The following GRK5 variants were observed in gnomAD, a reference collection of about 807,000 sequenced individuals.
The protein encoded by GRK5 is G protein-coupled receptor kinase 5, also known as g protein-coupled receptor kinase GRK5.
In GRK5, 40 loss-of-function variants were observed where a neutral mutation model predicts 78.4. The ratio of observed to expected loss-of-function variants is 0.51; its 90% confidence interval spans 0.40 to 0.66. GRK5 has a LOEUF of 0.66. GRK5 is among the 30% of genes least tolerant of loss of function. The pLI, the probability that GRK5 is intolerant of heterozygous loss-of-function variation, is 0.00. For missense variants in GRK5, 598 were observed against 759.9 expected (o/e 0.79, Z 2.50); for synonymous variants, 289 against 296.8 (o/e 0.97, Z 0.27).
intron 4 of GRK5, among the ~76,000 whole-genome samples, chr10:119,410,171 T>C (rs562310085): frequency 6.3e-4 from 96 of 152,330 alleles, no homozygotes; most frequent in African/African-American, 2.2e-3. Context: ...TCCGGGCACA[T>C]TGCATTTTGT....
chr10:119,459,343 C>G lies in GRK5; in HGVS notation c.*4276C>G, dbSNP rs184759276. Reference sequence around the variant, plus strand: ...CTGGCCTAAACGTAAAGGCTTGTGCCGGAGACAGTGATTGAAAACATTTGA... The same window carrying G: ...CTGGCCTAAACGTAAAGGCTTGTGCGGGAGACAGTGATTGAAAACATTTGA... On this transcript the variant is annotated 3_prime_UTR_variant, in exon 16 of 16. Coordinates refer to ENST00000392870, the MANE Select transcript of GRK5 (RefSeq NM_005308.3). 6.6e-6 allele frequency: 1 copy of G among 152,152 alleles called. No homozygotes were observed. The highest frequency in any genetic ancestry group is 1.5e-5 in the Non-Finnish European group (1 of 68,038). 9.4% of individuals were successfully genotyped at this position (152,152 alleles called of 1,614,324 possible). A position where few individuals can be genotyped will look rare whatever the true frequency, so the allele number is the denominator to read the frequency against.
intron 1 of GRK5, among the ~76,000 whole-genome samples, chr10:119,274,464 C>T (rs1849635283): frequency 6.6e-6 from 1 of 152,180 alleles, no homozygotes; most frequent in Non-Finnish European, 1.5e-5. Flanking sequence ...ACCTGTGCTT[C>T]CTTCAGAAGG....
intron 2 of GRK5, among the ~76,000 whole-genome samples, chr10:119,343,751 T>C (rs567281632): frequency 1.6e-4 from 24 of 152,282 alleles, no homozygotes; most frequent in African/African-American, 5.5e-4. Context: ...GCCCCGCAGA[T>C]AGTAGGGATC....
intron 1 of GRK5, among the ~76,000 whole-genome samples, chr10:119,213,598 G>A (rs1848523412): frequency 6.6e-6 from 1 of 152,166 alleles, no homozygotes; most frequent in Non-Finnish European, 1.5e-5. Flanking sequence ...TTATATTTCA[G>A]TGAAAATTTT....
At chr10:119,272,238 C>T (rs910408854) in intron 1 of GRK5, among the ~76,000 whole-genome samples, 4 of 152,208 alleles carry the variant, frequency 2.6e-5, no homozygotes, top group African/African-American at 9.7e-5. Flanking sequence ...GCTGTGTGAG[C>T]TTGGATGTGT....
intron 1 of GRK5, among the ~76,000 whole-genome samples, chr10:119,324,416 C>A (rs1024074606): frequency 6.6e-6 from 1 of 152,212 alleles, no homozygotes; most frequent in Non-Finnish European, 1.5e-5. Context: ...CACTTGAGGT[C>A]AGGAGTTTGA....
rs181462236 is a variant in GRK5, at chr10:119,238,010, C to G, written c.52+30041C>G. On this transcript the variant is annotated intron_variant, in intron 1 of 15. Transcript: ENST00000392870. The surrounding 1 kb of genome is among the most constrained non-coding windows in gnomAD (Gnocchi z 4.7). The stretch of plus-strand genomic sequence containing the variant: ...AAAGGGCTCTAAGCCTTGCTTCTTG[C>G]ATTTCCTGTCTTTAAACTTACGAAC... 2.9e-3 allele frequency among the ~76,000 whole-genome samples: 439 copies of G among 152,146 alleles called. 3 individuals carry two copies. The highest frequency in any genetic ancestry group is 9.9e-3 in the African/African-American group (413 of 41,524).
At chr10:119,286,948 G>A (rs751369183) in intron 1 of GRK5, among the ~76,000 whole-genome samples, 31 of 152,184 alleles carry the variant, frequency 2.0e-4, no homozygotes, top group Non-Finnish European at 3.4e-4. Flanking sequence ...GTAAGGTCCA[G>A]GAGATGTCCT....
chr10:119,439,916 A>G (rs1402743869), intron 10 of GRK5, 148 bp downstream of exon 10: 3 of 694,666 alleles, frequency 4.3e-6, no homozygotes, highest in Non-Finnish European at 7.5e-6. Flanking sequence ...GAAGGGGGAA[A>G]GCTGTGAGTG....
chr10:119,455,126 T>G lies in GRK5; in HGVS notation c.*59T>G, dbSNP rs775210238. 2.3e-6 allele frequency: 3 copies of G among 1,298,872 alleles called. No individual in the cohort carries two copies. In the Admixed American group the frequency reaches 5.0e-5, roughly 22 times the overall value. 80.5% of individuals were successfully genotyped at this position (1,298,872 alleles called of 1,614,324 possible). A position where few individuals can be genotyped will look rare whatever the true frequency, so the allele number is the denominator to read the frequency against. ...CAGCCCAGACCCTTCTCCTTAGAAG[T>G]GGAAGTAGTGGAGCCCCTGCTCTGG... On this transcript the variant is annotated 3_prime_UTR_variant, in exon 16 of 16. Coordinates refer to ENST00000392870, the MANE Select transcript of GRK5 (RefSeq NM_005308.3).
intron 6 of GRK5, among the ~76,000 whole-genome samples, chr10:119,428,581 A>G (rs988163807): frequency 2.0e-5 from 3 of 151,956 alleles, no homozygotes; most frequent in Admixed American, 2.0e-4. Flanking sequence ...CTGAACCCAG[A>G]GGCCCCCTCC....
At chr10:119,241,896 G>A (rs1173843481) in intron 1 of GRK5, among the ~76,000 whole-genome samples, 1 of 152,118 alleles carries the variant, frequency 6.6e-6, no homozygotes, top group Admixed American at 6.5e-5. Context: ...TAGGATTTGG[G>A]GCTTATATAC....
chr10:119,419,493 A>G (rs1280827403), intron 4 of GRK5, among the ~76,000 whole-genome samples: 2 of 152,038 alleles, frequency 1.3e-5, no homozygotes, highest in Non-Finnish European at 2.9e-5. Flanking sequence ...CAAAGGTGTC[A>G]CTCCCTGGAG....
At chr10:119,221,880 C>T (rs919607632) in intron 1 of GRK5, among the ~76,000 whole-genome samples, 2 of 152,152 alleles carry the variant, frequency 1.3e-5, no homozygotes, top group Non-Finnish European at 2.9e-5. Context: ...AGTAATGAGT[C>T]ATCTTTTCTA....
chr10:119,406,133 A>G (rs1852235556), intron 4 of GRK5, among the ~76,000 whole-genome samples: 1 of 152,232 alleles, frequency 6.6e-6, no homozygotes, highest in Admixed American at 6.5e-5. Flanking sequence ...GAAGGCTTGC[A>G]GGAGATCCAA....
At chr10:119,393,837 G>C (rs1352142055) in intron 3 of GRK5, among the ~76,000 whole-genome samples, 1 of 152,128 alleles carries the variant, frequency 6.6e-6, no homozygotes, top group African/African-American at 2.4e-5. Flanking sequence ...TGTAGGGTGA[G>C]CCTGGAATCA....
rs185779960 is a variant in GRK5, at chr10:119,267,186, C to T, written c.52+59217C>T. On this transcript the variant is annotated intron_variant, in intron 1 of 15. Coordinates refer to ENST00000392870, the MANE Select transcript of GRK5 (RefSeq NM_005308.3). The surrounding 1 kb of genome is among the most constrained non-coding windows in gnomAD (Gnocchi z 4.1). ...TGAACCTGCGAGGCGGAGGTTGCAG[C>T]GAGCCGAGATCACACCATTGCACTC... Among the ~76,000 whole-genome samples, 1,448 of 151,670 alleles carry T rather than the reference C, an allele frequency of 9.5e-3. 16 individuals are homozygous for T. Among genetic ancestry groups the T allele is most frequent in the African/African-American group, 0.032 (1,317 of 41,328 alleles).
chr10:119,282,054 A>G (rs1403116624), intron 1 of GRK5, among the ~76,000 whole-genome samples: 1 of 151,800 alleles, frequency 6.6e-6, no homozygotes, highest in Non-Finnish European at 1.5e-5. Context: ...TCTGCTGGCC[A>G]CTGTCGCTTT....
intron 1 of GRK5, among the ~76,000 whole-genome samples, chr10:119,248,008 C>T (rs972163572): frequency 3.3e-5 from 5 of 152,102 alleles, no homozygotes; most frequent in African/African-American, 9.7e-5. Flanking sequence ...CACACAAATA[C>T]GTAATTAGCT....
Sources: allele counts gnomAD v4.1 joint callset (sites outside exome capture counted in the v4.1 genomes callset), GRCh38; gene constraint gnomAD v4.1.1; non-coding constraint Gnocchi (gnomAD v3.1); transcripts MANE v1.5; gene names NCBI Gene and HGNC (gene_info 2026-07-23, HGNC 2026-07-21).